Variants in CDHR1 observed in about 807,000 individuals in gnomAD.
CDHR1 encodes the protein cadherin related family member 1, also known as cadherin-related family member 1.
Under a neutral mutation model 72.1 loss-of-function variants are expected in CDHR1, and 61 were observed. The ratio of observed to expected loss-of-function variants is 0.85; its 90% confidence interval spans 0.69 to 1.05. The LOEUF (loss-of-function observed/expected upper bound fraction) is 1.05, where lower values mean the gene tolerates loss of function less well. Ranked by LOEUF, CDHR1 falls within the 50% of genes least tolerant of loss-of-function variation. The pLI is 0.00. For missense variants in CDHR1, 1,186 were observed against 1,115.7 expected (o/e 1.06, Z -0.90); for synonymous variants, 470 against 448.1 (o/e 1.05, Z -0.62).
intron 2 of CDHR1, 70 bp from the exon 3 acceptor site, chr10:84,196,435 C>A: frequency 6.5e-7 from 1 of 1,546,364 alleles, no homozygotes; most frequent in Non-Finnish European, 8.9e-7. Flanking sequence ...ATCGTTGGTC[C>A]TGAGCATCTG....
At chr10:84,198,076 C>G (rs1459283805) in intron 4 of CDHR1, among the ~76,000 whole-genome samples, 2 of 152,220 alleles carry the variant, frequency 1.3e-5, no homozygotes, top group Admixed American at 1.3e-4. Flanking sequence ...GGGTCTAACC[C>G]ACATTCCACA....
At chr10:84,195,630 G>A in intron 2 of CDHR1, 41 bp downstream of exon 2, 3 of 1,542,256 alleles carry the variant, frequency 1.9e-6, no homozygotes, top group South Asian at 1.1e-5. Context: ...GTCTCCCTGA[G>A]GGGTGCAGGC....
chr10:84,216,920 G>T lies in CDHR1; in HGVS notation c.*2299G>T. 1 of 985,508 alleles carries T rather than the reference G, an allele frequency of 1.0e-6. No individual in the cohort carries two copies. The highest frequency in any genetic ancestry group is 1.2e-6 in the Non-Finnish European group (1 of 829,982). The allele number at this position is 985,508 out of a possible 1,614,324, so 61.0% of individuals were successfully genotyped here. On this transcript the variant is annotated 3_prime_UTR_variant, in exon 17 of 17. Transcript: ENST00000623527. The stretch of plus-strand genomic sequence containing the variant: ...AAGCACTGTCGTCTCTCAGACAGGC[G>T]TCCTAAAGACCTCTAGGCTGGAAGC...
In CDHR1 at chr10:84,212,743, C is replaced by T. The variant is rs555604496; in HGVS notation, c.1782+336C>T. On this transcript the variant is annotated intron_variant, in intron 15 of 16. Transcript: ENST00000623527. The stretch of plus-strand genomic sequence containing the variant: ...TGGCAAAAAGGATGAACTCTGAAAC[C>T]CAGCAGACTTGACTTTGAATCCTGA... The T allele has an allele frequency of 2.0e-4, 107 of 522,118 alleles. 1 individual carries two copies. The highest frequency in any genetic ancestry group is 1.4e-3 in the South Asian group (66 of 47,634). 32.3% of individuals were successfully genotyped at this position (522,118 alleles called of 1,614,324 possible). A position where few individuals can be genotyped will look rare whatever the true frequency, so the allele number is the denominator to read the frequency against.
chr10:84,203,126 G>A lies in CDHR1; in HGVS notation c.783+3G>A, dbSNP rs759265185. 8 of 1,614,048 alleles carry A rather than the reference G, an allele frequency of 5.0e-6. No individual in the cohort carries two copies. In the Admixed American group the frequency reaches 1.3e-4, roughly 27 times the overall value. ...ATGTGTACGAGGACACCCTTCCGGT[G>A]GGTGGCTGTCCCCCTCAGCCAGCGA... On this transcript the variant is annotated splice_donor_region_variant and intron_variant, in intron 8 of 16. Transcript: ENST00000623527.
intron 8 of CDHR1, among the ~76,000 whole-genome samples, chr10:84,204,144 G>A (rs1842181080): frequency 6.6e-6 from 1 of 152,186 alleles, no homozygotes; most frequent in South Asian, 2.1e-4. Context: ...CTTCCTTCAT[G>A]CACCTCTGGG....
Position 84,216,362 on chromosome 10 carries a change from C to G in CDHR1, c.*1741C>G. On this transcript the variant is annotated 3_prime_UTR_variant, in exon 17 of 17. Transcript: ENST00000623527. The stretch of plus-strand genomic sequence containing the variant: ...GTATTAAGCAAGAGGTGGACTCGAG[C>G]AATCCAGGAGCCCAGACTGAGCAAA... 1 of 985,512 alleles carries G rather than the reference C, an allele frequency of 1.0e-6. No individual in the cohort carries two copies. The highest frequency in any genetic ancestry group is 1.2e-6 in the Non-Finnish European group (1 of 829,976). The allele number at this position is 985,512 out of a possible 1,614,324, so 61.0% of individuals were successfully genotyped here. A position where few individuals can be genotyped will look rare whatever the true frequency, so the allele number is the denominator to read the frequency against.
rs957258086 is a variant in CDHR1 at position 84,215,062 on chromosome 10, G to A, written c.*441G>A. On this transcript the variant is annotated 3_prime_UTR_variant, in exon 17 of 17. Coordinates refer to ENST00000623527, the MANE Select transcript of CDHR1 (RefSeq NM_033100.4). ...TAGAATCTGGATCCTGACGCCTGCA[G>A]CTGAGAGCAGGAGCAGGAAAAGGAG... 5.6e-6 allele frequency: 6 copies of A among 1,068,550 alleles called. 2 individuals carry two copies. In the African/African-American group the frequency reaches 1.0e-4, roughly 18 times the overall value. 66.2% of individuals were successfully genotyped at this position (1,068,550 alleles called of 1,614,324 possible). A position where few individuals can be genotyped will look rare whatever the true frequency, so the allele number is the denominator to read the frequency against.
chr10:84,201,014 A>T (rs1370805389), intron 6 of CDHR1, among the ~76,000 whole-genome samples: 2 of 152,092 alleles, frequency 1.3e-5, no homozygotes. Context: ...CAATAGAAAA[A>T]AGAGCAGAAG....
rs184241207 is a variant in CDHR1, at chr10:84,201,823, T to C, written c.542T>C (p.Phe181Ser). The change falls in exon 7 of 17, where the codon TTT becomes TCT. Residue 181 changes from phenylalanine to serine, a missense_variant. Physicochemically the swap from Phe to Ser is radical, Grantham distance 155 (BLOSUM62 -2). Coordinates refer to ENST00000623527, the MANE Select transcript of CDHR1 (RefSeq NM_033100.4). ...TTCTTATAGAACCTGCACTCCCCATTTGCCGTGGACCGCCACAGCGGTGTG... is the reference window on the plus strand; with the variant it reads ...TTCTTATAGAACCTGCACTCCCCATCTGCCGTGGACCGCCACAGCGGTGTG... Reference protein sequence around the residue: ...TYFLQNLHSPFAVDRHSGVLR... With the variant: ...TYFLQNLHSPSAVDRHSGVLR... 8.7e-6 allele frequency: 14 copies of C among 1,610,572 alleles called. No homozygotes were observed. The East Asian group carries it at 3.1e-4, about 36-fold the overall frequency.
intron 8 of CDHR1, among the ~76,000 whole-genome samples, 193 bp downstream of exon 8, chr10:84,203,316 C>T (rs1041827372): frequency 3.9e-5 from 6 of 152,334 alleles, no homozygotes; most frequent in Admixed American, 3.3e-4. Flanking sequence ...CATGAGCTCC[C>T]CATGGGCAGA....
intron 13 of CDHR1, 79 bp downstream of exon 13, chr10:84,211,244 T>A (rs948331066): frequency 1.4e-6 from 2 of 1,480,476 alleles, no homozygotes; most frequent in Non-Finnish European, 1.9e-6. Context: ...GTCATTGCAG[T>A]TTGAGTGGCA....
Position 84,216,194 on chromosome 10 carries a change from C to A in CDHR1, c.*1573C>A. 1.0e-6 allele frequency: 1 copy of A among 985,442 alleles called. No homozygotes were observed. The highest frequency in any genetic ancestry group is 1.2e-6 in the Non-Finnish European group (1 of 829,916). 61.0% of individuals were successfully genotyped at this position (985,442 alleles called of 1,614,324 possible). ...TTGGCTCTACTTACTAACAACCCCT[C>A]TAGAATACATTGGTGATTTCATTTA... On this transcript the variant is annotated 3_prime_UTR_variant, in exon 17 of 17. Transcript: ENST00000623527.
rs1842436518 is a variant in CDHR1 at position 84,217,029 on chromosome 10, A to G, written c.*2408A>G. On this transcript the variant is annotated 3_prime_UTR_variant, in exon 17 of 17. Transcript: ENST00000623527. ...GGACCAAGGCAGAGCCAATCTTGCA[A>G]ACTGGCCATGGATGGGGAAGTGCCC... is the stretch of plus-strand genomic sequence containing the variant. The G allele has an allele frequency of 1.0e-6, 1 of 985,568 alleles. No individual in the cohort carries two copies. The allele number at this position is 985,568 out of a possible 1,614,324, so 61.1% of individuals were successfully genotyped here. A position where few individuals can be genotyped will look rare whatever the true frequency, so the allele number is the denominator to read the frequency against.
chr10:84,202,798 T>A (rs1842151178), intron 7 of CDHR1, among the ~76,000 whole-genome samples, 182 bp from the exon 8 acceptor site: 1 of 152,220 alleles, frequency 6.6e-6, no homozygotes, highest in African/African-American at 2.4e-5. Flanking sequence ...GGTGGCACTT[T>A]AACATTCCCA....
chr10:84,205,768 A>T, intron 9 of CDHR1, 59 bp from the exon 10 acceptor site: 2 of 1,168,202 alleles, frequency 1.7e-6, no homozygotes, highest in Non-Finnish European at 2.6e-6. Context: ...CTGTGGCACG[A>T]CTCCCCTGCG....
At chr10:84,218,799 C>T (rs7069353), downstream of CDHR1, 9,764 of 1,012,460 alleles carry the variant, frequency 9.6e-3, 687 homozygotes, top group African/African-American at 0.15. Context: ...AGTATACACA[C>T]ATATGTAGTC....
At chr10:84,205,766 C>T (rs772909472) in intron 9 of CDHR1, 61 bp from the exon 10 acceptor site, 134 of 1,146,734 alleles carry the variant, frequency 1.2e-4, no homozygotes, top group Non-Finnish European at 1.6e-4. Flanking sequence ...TCCTGTGGCA[C>T]GACTCCCCTG....
chr10:84,212,806 C>G (rs939293905), intron 15 of CDHR1: 10 of 558,010 alleles, frequency 1.8e-5, no homozygotes, highest in Non-Finnish European at 2.9e-5. Flanking sequence ...GGGAAAGCCA[C>G]TTTGCATCTA....
Sources: allele counts gnomAD v4.1 joint callset (sites outside exome capture counted in the v4.1 genomes callset), GRCh38; gene constraint gnomAD v4.1.1; transcripts MANE v1.5; gene names NCBI Gene and HGNC (gene_info 2026-07-23, HGNC 2026-07-21).